BMS1: variants seen among roughly 807,000 people sequenced by gnomAD.
BMS1 encodes the protein BMS1 ribosome biogenesis factor.
BMS1 carries 53 observed loss-of-function variants against 138.7 expected under a neutral mutation model. The observed-to-expected ratio is 0.38, with a 90% CI of 0.31 to 0.48. The LOEUF (loss-of-function observed/expected upper bound fraction) is 0.48, where lower values mean the gene tolerates loss of function less well. Among genes scored for constraint, BMS1 ranks in the 20% least tolerant of loss-of-function variants. The pLI is 0.97. For synonymous variants in BMS1, 504 were observed against 539.9 expected (o/e 0.93, Z 0.92); for missense variants, 1,360 against 1,565.5 (o/e 0.87, Z 2.22).
chr10:42,793,883 A>G lies in BMS1; in HGVS notation c.1121A>G (p.Gln374Arg). 3 of 1,611,922 alleles carry G rather than the reference A, an allele frequency of 1.9e-6. No homozygotes were observed. The highest frequency in any genetic ancestry group is 2.5e-6 in the Non-Finnish European group (3 of 1,179,830). Residue 374 changes from glutamine to arginine, a missense_variant, in exon 9 of 23, where the codon CAG (glutamine) becomes CGG (arginine). Physicochemically the swap from Gln to Arg is conservative, Grantham distance 43. This residue lies in a region of BMS1 where 697 missense variants were observed against 686.2 expected (regional missense o/e 1.02). Coordinates refer to ENST00000374518, the MANE Select transcript of BMS1 (RefSeq NM_014753.4). ...DEVGPTHELV[Q>R]SLISTHSTID... is the part of the protein sequence containing the mutation. ...GTGGGGCCCACCCATGAGCTGGTCC[A>G]GAGTCTCATCTCTACCCACTCCACC...
chr10:42,834,195 T>C lies in BMS1; in HGVS notation c.*3099T>C, dbSNP rs887867339. 1.1e-4 allele frequency: 16 copies of C among 152,218 alleles called. No individual in the cohort carries two copies. Among genetic ancestry groups the C allele is most frequent in the Non-Finnish European group, 1.8e-4 (12 of 68,040 alleles). The allele number at this position is 152,218 out of a possible 1,614,324, so 9.4% of individuals were successfully genotyped here. Reference sequence around the variant, plus strand: ...GCCATTAAATATTCTTATTTAATCATAGATGTGTTCAGGTGTGTTTGGTTT... The same window carrying C: ...GCCATTAAATATTCTTATTTAATCACAGATGTGTTCAGGTGTGTTTGGTTT... On this transcript the variant is annotated 3_prime_UTR_variant, in exon 23 of 23. Transcript: ENST00000374518.
At chr10:42,797,604 T>C in intron 11 of BMS1, 81 bp downstream of exon 11, 3 of 1,370,050 alleles carry the variant, frequency 2.2e-6, no homozygotes, top group Non-Finnish European at 3.1e-6. Context: ...AGGATTCGGC[T>C]GGTATTGTTG....
Position 42,796,919 on chromosome 10 carries a change from G to T in BMS1, c.1675G>T (p.Asp559Tyr). ...GCTGTCACCAGCTAATTGCCAGAGT[G>T]ACCGTGTGAATCTGGAGAAGTCTTT... ...AGLSPANCQS[D>Y]RVNLEKSLLM... is the part of the protein sequence containing the mutation. The change falls in exon 10 of 23, where the codon GAC (aspartate) becomes TAC (tyrosine). Residue 559 changes from aspartate to tyrosine, a missense_variant. Asp to Tyr is a radical substitution (Grantham distance 160). This residue lies in a region of BMS1 where 697 missense variants were observed against 686.2 expected (regional missense o/e 1.02). Transcript: ENST00000374518. 1 of 1,614,210 alleles carries T rather than the reference G, an allele frequency of 6.2e-7. No individual in the cohort carries two copies. The highest frequency in any genetic ancestry group is 1.1e-5 in the South Asian group (1 of 91,076).
At chr10:42,795,573 G>A (rs1338020318) in intron 9 of BMS1, among the ~76,000 whole-genome samples, 1 of 151,124 alleles carries the variant, frequency 6.6e-6, no homozygotes. Flanking sequence ...CTCCTGCCTT[G>A]GCCTCCCAAA....
chr10:42,824,679 G>C (rs1425435739), intron 21 of BMS1, among the ~76,000 whole-genome samples: 1 of 152,136 alleles, frequency 6.6e-6, no homozygotes, highest in Non-Finnish European at 1.5e-5. Flanking sequence ...TGTATGATCA[G>C]GGTCCAATTT....
chr10:42,809,952 ATTTTT>A (rs34656411), intron 13 of BMS1, among the ~76,000 whole-genome samples: 4 of 114,024 alleles, frequency 3.5e-5, no homozygotes, highest in Non-Finnish European at 3.5e-5. Context: ...TGTCTGGCTA[ATTTTT>A]TTTTTTTTTT....
chr10:42,810,228 G>A (rs890709481), intron 13 of BMS1, among the ~76,000 whole-genome samples: 1 of 152,078 alleles, frequency 6.6e-6, no homozygotes, highest in Non-Finnish European at 1.5e-5. Context: ...TTCCTTTCAT[G>A]TCAGATGGTT....
At chr10:42,828,706 C>G (rs1411277598) in intron 21 of BMS1, among the ~76,000 whole-genome samples, 1 of 152,046 alleles carries the variant, frequency 6.6e-6, no homozygotes, top group Admixed American at 6.6e-5. Flanking sequence ...ATTCTCTTCA[C>G]AGCTTAACAA....
In BMS1 at chr10:42,832,941, T is replaced by C. The variant is rs531377687; in HGVS notation, c.*1845T>C. 1 of 152,366 alleles carries C rather than the reference T, an allele frequency of 6.6e-6. No homozygotes were observed. The highest frequency in any genetic ancestry group is 2.1e-4 in the South Asian group (1 of 4,832). The allele number at this position is 152,366 out of a possible 1,614,324, so 9.4% of individuals were successfully genotyped here. On this transcript the variant is annotated 3_prime_UTR_variant, in exon 23 of 23. Transcript: ENST00000374518. Reference sequence around the variant, plus strand: ...GCAAAACTATAATTCAACTAAAATATACAAGGCACTCAAGTCATACCATGT... The same window carrying C: ...GCAAAACTATAATTCAACTAAAATACACAAGGCACTCAAGTCATACCATGT...
chr10:42,810,854 C>T (rs192940169), intron 13 of BMS1, among the ~76,000 whole-genome samples: 35 of 152,208 alleles, frequency 2.3e-4, no homozygotes, highest in African/African-American at 7.2e-4. Flanking sequence ...TACTCTTTAA[C>T]GGCTGCAGGA....
chr10:42,800,479 T>C (rs551104883), intron 12 of BMS1, among the ~76,000 whole-genome samples: 28 of 152,194 alleles, frequency 1.8e-4, no homozygotes, highest in African/African-American at 6.7e-4. Context: ...AAACTTTTCC[T>C]CTTCTATTCG....
rs1842792347 is a variant in BMS1, at chr10:42,831,161, G to A, written c.*65G>A. 7.0e-7 allele frequency: 1 copy of A among 1,420,850 alleles called. No individual in the cohort carries two copies. The highest frequency in any genetic ancestry group is 9.5e-7 in the Non-Finnish European group (1 of 1,051,658). The allele number at this position is 1,420,850 out of a possible 1,614,324, so 88.0% of individuals were successfully genotyped here. A position where few individuals can be genotyped will look rare whatever the true frequency, so the allele number is the denominator to read the frequency against. ...TAGACAGTTTCAAACATCACAGTTT[G>A]AATGCCTGTGAATGACAAGTCAGTG... is the stretch of plus-strand genomic sequence containing the variant. On this transcript the variant is annotated 3_prime_UTR_variant, in exon 23 of 23. Transcript: ENST00000374518.
At chr10:42,807,862 A>G (rs1228740218) in intron 13 of BMS1, among the ~76,000 whole-genome samples, 1 of 152,220 alleles carries the variant, frequency 6.6e-6, no homozygotes, top group Non-Finnish European at 1.5e-5. Flanking sequence ...GCACAGTTTC[A>G]TAGGAGACTG....
In BMS1 at chr10:42,789,498, A is replaced by C. The variant is rs143054665; in HGVS notation, c.448-825A>C. On this transcript the variant is annotated intron_variant, in intron 4 of 22. Coordinates refer to ENST00000374518, the MANE Select transcript of BMS1 (RefSeq NM_014753.4). ...TAGAAATTTCCAGGAATCAATTCTG[A>C]AATTATTTTGCATCTTTGAAGCATC... Among the ~76,000 whole-genome samples, 937 of 152,284 alleles carry C rather than the reference A, an allele frequency of 6.2e-3. 5 individuals are homozygous for C. Among genetic ancestry groups the C allele is most frequent in the African/African-American group, 0.021 (891 of 41,558 alleles).
Position 42,833,061 on chromosome 10 carries a change from GTTTTATA to G in BMS1, c.*1971_*1977del, listed in dbSNP as rs564931760. The G allele has an allele frequency of 1.1e-4, 17 of 152,286 alleles. No homozygotes were observed. Among genetic ancestry groups the G allele is most frequent in the African/African-American group, 3.6e-4 (15 of 41,562 alleles). The allele number at this position is 152,286 out of a possible 1,614,324, so 9.4% of individuals were successfully genotyped here. A position where few individuals can be genotyped will look rare whatever the true frequency, so the allele number is the denominator to read the frequency against. On this transcript the variant is annotated 3_prime_UTR_variant, in exon 23 of 23. Transcript: ENST00000374518. Reference sequence around the variant, plus strand: ...GCAAATAAGTATTTATAATTGTATAGTTTTATATTTTAGCCAGAAGAGTGGAATCCTT... The same window carrying G: ...GCAAATAAGTATTTATAATTGTATAGTTTTAGCCAGAAGAGTGGAATCCTT...
At chr10:42,793,218 T>G in intron 8 of BMS1, 74 bp downstream of exon 8, 13 of 1,434,296 alleles carry the variant, frequency 9.1e-6, no homozygotes, top group Non-Finnish European at 1.2e-5. Context: ...TCACAAAAAG[T>G]AATGTACTCA....
intron 2 of BMS1, among the ~76,000 whole-genome samples, 157 bp downstream of exon 2, chr10:42,784,727 C>A (rs761057935): frequency 2.6e-5 from 4 of 152,200 alleles, no homozygotes; most frequent in Non-Finnish European, 5.9e-5. Flanking sequence ...AGAAGCTTTT[C>A]CCATAGAAGC....
At position 42,785,640 on chromosome 10, in the gene BMS1, C is replaced by T. The variant is rs753695383; in HGVS notation, c.335C>T (p.Thr112Ile). 1 of 1,613,880 alleles carries T rather than the reference C, an allele frequency of 6.2e-7. No individual in the cohort carries two copies. Among genetic ancestry groups the T allele is most frequent in the South Asian group, 1.1e-5 (1 of 91,068 alleles). Residue 112 changes from threonine to isoleucine, a missense_variant, in exon 3 of 23, where the codon ACT (threonine) becomes ATT (isoleucine). This residue lies in a region of BMS1 where 238 missense variants were observed against 311.1 expected (regional missense o/e 0.77). Coordinates refer to ENST00000374518, the MANE Select transcript of BMS1 (RefSeq NM_014753.4). ...CGGAACTTTACCCGGCAGAAGTTGA[C>T]TGAGATCAGAGGCCCTGTGACGATT... ...LIRNFTRQKL[T>I]EIRGPVTIVS...
At chr10:42,817,627 T>C (rs1339323633) in intron 15 of BMS1, 133 bp downstream of exon 15, 1 of 790,762 alleles carries the variant, frequency 1.3e-6, no homozygotes, top group Non-Finnish European at 1.9e-6. Flanking sequence ...TTCGGACTCC[T>C]GGGTAGAGAT....
Sources: gnomAD v4.1 joint callset for allele counts (sites outside exome capture counted in the v4.1 genomes callset) on GRCh38, gnomAD v4.1.1 for gene constraint, gnomAD v4.1.1 regional missense constraint, MANE v1.5 for transcripts, NCBI Gene and HGNC (gene_info 2026-07-23, HGNC 2026-07-21) for gene names.